CCDC15: variants seen among roughly 807,000 people sequenced by gnomAD.
The protein encoded by CCDC15 is coiled-coil domain-containing protein 15.
A neutral mutation model predicts 114.5 loss-of-function variants in CCDC15; 105 were observed. The ratio of observed to expected loss-of-function variants is 0.92; its 90% CI spans 0.78 to 1.08. The LOEUF is 1.08. Among genes scored for constraint, CCDC15 ranks in the 50% least tolerant of loss-of-function variants. The pLI is 0.00. For synonymous variants in CCDC15, 334 were observed against 377.8 expected, an observed-to-expected ratio of 0.88 and a Z score of 1.34; for missense variants, 1,105 against 1,093.6, an observed-to-expected ratio of 1.01 and a Z score of -0.15.
intron 4 of CCDC15, among the ~76,000 whole-genome samples, chr11:124,961,652 C>T (rs766867320): frequency 1.3e-4 from 20 of 152,170 alleles, no homozygotes; most frequent in Admixed American, 2.0e-4. Context: ...CCTCAGCCTC[C>T]TGAGTAGCTG....
At chr11:124,958,226 A>G (rs1000913070) in intron 2 of CCDC15, among the ~76,000 whole-genome samples, 73 of 152,352 alleles carry the variant, frequency 4.8e-4, no homozygotes, top group African/African-American at 1.7e-3. Context: ...CAAGAACTCA[A>G]ATGGGATAAA....
intron 4 of CCDC15, among the ~76,000 whole-genome samples, chr11:124,969,125 C>A (rs534579046): frequency 3.3e-5 from 5 of 152,124 alleles, no homozygotes; most frequent in African/African-American, 1.2e-4. Context: ...TTTTGTTTTT[C>A]AATATTCTTC....
chr11:124,960,103 C>T (rs1194039513), intron 4 of CCDC15, 100 bp downstream of exon 4: 31 of 751,784 alleles, frequency 4.1e-5, no homozygotes, highest in Non-Finnish European at 1.9e-6. Flanking sequence ...TAAGAGTTAT[C>T]ACACTCAGCT....
At chr11:125,033,452 G>T (rs1238715377) in intron 13 of CCDC15, among the ~76,000 whole-genome samples, 1 of 152,122 alleles carries the variant, frequency 6.6e-6, no homozygotes, top group Admixed American at 6.6e-5. Flanking sequence ...GAGTGACTGG[G>T]GTTCCCATTG....
At chr11:125,023,943 A>C (rs1948678438) in intron 13 of CCDC15, among the ~76,000 whole-genome samples, 1 of 152,058 alleles carries the variant, frequency 6.6e-6, no homozygotes, top group African/African-American at 2.4e-5. Flanking sequence ...TAGAAAAGTT[A>C]GTGGTTGCTA....
chr11:124,974,123 C>G (rs976301835), intron 4 of CCDC15, among the ~76,000 whole-genome samples: 3 of 151,976 alleles, frequency 2.0e-5, no homozygotes, highest in Admixed American at 6.6e-5. Flanking sequence ...TACAGGTGTG[C>G]ACCACCATGC....
intron 13 of CCDC15, among the ~76,000 whole-genome samples, chr11:125,006,537 G>C (rs1350840163): frequency 6.6e-6 from 1 of 152,084 alleles, no homozygotes; most frequent in African/African-American, 2.4e-5. Context: ...TGCCTAATCA[G>C]TTCTTTCTTT....
At chr11:125,009,022 C>T (rs551246013) in intron 13 of CCDC15, among the ~76,000 whole-genome samples, 40 of 152,160 alleles carry the variant, frequency 2.6e-4, no homozygotes, top group African/African-American at 8.4e-4. Flanking sequence ...AGTTCGAGAC[C>T]AGCCTGACCA....
Position 124,987,119 on chromosome 11 carries a change from A to C in CCDC15, c.901-8A>C. 6.7e-7 allele frequency: 1 copy of C among 1,496,800 alleles called. No individual in the cohort carries two copies. The highest frequency in any genetic ancestry group is 8.9e-7 in the Non-Finnish European group (1 of 1,125,004). 92.7% of individuals were successfully genotyped at this position (1,496,800 alleles called of 1,614,324 possible). A position where few individuals can be genotyped will look rare whatever the true frequency, so the allele number is the denominator to read the frequency against. ...CATTCTGTATTTGGTGTTTATGTTC[A>C]CTTTTAGAAAGTAAAATTCAAAAAT... On this transcript the variant is annotated splice_polypyrimidine_tract_variant and splice_region_variant and intron_variant, in intron 7 of 15. Coordinates refer to ENST00000344762, the MANE Select transcript of CCDC15 (RefSeq NM_025004.3).
chr11:124,990,524 A>T (rs1948249842), intron 8 of CCDC15, among the ~76,000 whole-genome samples: 1 of 152,214 alleles, frequency 6.6e-6, no homozygotes, highest in Non-Finnish European at 1.5e-5. Context: ...AAGCATAATA[A>T]AAATAGGTAT....
At chr11:124,995,336 G>A (rs966488844) in intron 11 of CCDC15, among the ~76,000 whole-genome samples, 1 of 151,988 alleles carries the variant, frequency 6.6e-6, no homozygotes, top group African/African-American at 2.4e-5. Flanking sequence ...TGCCTTTTCA[G>A]TACAAAACAA....
At chr11:124,976,801 T>G (rs1947981671) in intron 5 of CCDC15, among the ~76,000 whole-genome samples, 1 of 152,118 alleles carries the variant, frequency 6.6e-6, no homozygotes, top group Non-Finnish European at 1.5e-5. Context: ...AAACCAGTTT[T>G]TTACGTCAGA....
intron 4 of CCDC15, among the ~76,000 whole-genome samples, chr11:124,960,305 G>A (rs1163596060): frequency 4.6e-5 from 1 of 21,572 alleles, no homozygotes; most frequent in Non-Finnish European, 9.5e-5. Flanking sequence ...CAGCCTGGGC[G>A]ACAGCGAGAC....
rs547851596 is a variant in CCDC15, at chr11:125,022,127, C to T, written c.2412-16304C>T. 2.1e-3 allele frequency among the ~76,000 whole-genome samples: 318 copies of T among 151,940 alleles called. 1 individual carries two copies. Among genetic ancestry groups the T allele is most frequent in the African/African-American group, 7.2e-3 (299 of 41,526 alleles). ...TATTTTAATAGTTTTCTTTCATTCT[C>T]TAACTTATTTCACACATGATCTTTT... On this transcript the variant is annotated intron_variant, in intron 13 of 15. Coordinates refer to ENST00000344762, the MANE Select transcript of CCDC15 (RefSeq NM_025004.3).
In CCDC15 at chr11:124,959,254, C is replaced by T. The variant is rs748969361; in HGVS notation, c.317C>T (p.Ser106Phe). The T allele has an allele frequency of 6.3e-7, 1 of 1,574,858 alleles. No homozygotes were observed. Among genetic ancestry groups the T allele is most frequent in the South Asian group, 1.2e-5 (1 of 82,050 alleles). ...RLRKKQQLQK[S>F]YERAQKEGSI... ...AGAAAAAAGCAACAGCTTCAGAAGTCTTATGAAAGAGTAAGTTCAAAAGTG... is the reference window on the plus strand; with the variant it reads ...AGAAAAAAGCAACAGCTTCAGAAGTTTTATGAAAGAGTAAGTTCAAAAGTG... Residue 106 changes from serine to phenylalanine, a missense_variant, in exon 3 of 16, where the codon TCT (serine) becomes TTT (phenylalanine). Physicochemically the swap from Ser to Phe is radical, Grantham distance 155 (BLOSUM62 -2). Coordinates refer to ENST00000344762, the MANE Select transcript of CCDC15 (RefSeq NM_025004.3).
intron 3 of CCDC15, 28 bp from the exon 4 acceptor site, chr11:124,959,787 T>C: frequency 1.9e-6 from 3 of 1,544,640 alleles, no homozygotes; most frequent in Non-Finnish European, 2.6e-6. Context: ...GGTAGAATGT[T>C]ACTATCCCCC....
intron 13 of CCDC15, among the ~76,000 whole-genome samples, chr11:125,036,279 G>T: frequency 9.5e-6 from 1 of 105,398 alleles, no homozygotes; most frequent in East Asian, 2.6e-4. Flanking sequence ...TTTTTCCTTT[G>T]GCACTTTCAA....
chr11:125,027,355 A>G (rs1948710473), intron 13 of CCDC15, among the ~76,000 whole-genome samples: 2 of 152,210 alleles, frequency 1.3e-5, no homozygotes, highest in Admixed American at 6.5e-5. Context: ...CATTCCCACT[A>G]GCAGTGTAAG....
At chr11:125,015,133 C>T (rs1948619987) in intron 13 of CCDC15, among the ~76,000 whole-genome samples, 2 of 151,972 alleles carry the variant, frequency 1.3e-5, no homozygotes, top group Admixed American at 6.6e-5. Flanking sequence ...AATGTCAGAG[C>T]CTTGATTACA....
Sources: allele counts gnomAD v4.1 joint callset (sites outside exome capture counted in the v4.1 genomes callset), GRCh38; gene constraint gnomAD v4.1.1; transcripts MANE v1.5; gene names NCBI Gene and HGNC (gene_info 2026-07-23, HGNC 2026-07-21).